The following NLRC3 variants were observed in gnomAD, a reference collection of about 807,000 sequenced individuals.
NLRC3 encodes the protein NLR family CARD domain containing 3.
In NLRC3, 87 loss-of-function variants were observed where a neutral mutation model predicts 91.6. That is an observed-to-expected ratio of 0.95 (90% CI 0.80 to 1.14). The LOEUF (loss-of-function observed/expected upper bound fraction) is 1.14. Ranked by LOEUF, NLRC3 falls within the 50% of genes most tolerant of loss-of-function variation. The probability of loss-of-function intolerance (pLI) is 0.00; values close to 1 mark genes in which losing one functional copy is unlikely to be tolerated. For missense variants in NLRC3, 1,577 were observed against 1,418.6 expected (o/e 1.11, Z -1.79); for synonymous variants, 694 against 625.3 (o/e 1.11, Z -1.64).
At chr16:3,543,685 GAC>G (rs1312725437) in intron 16 of NLRC3, 177 bp from the exon 17 acceptor site, 1 of 600,472 alleles carries the variant, frequency 1.7e-6, no homozygotes, top group East Asian at 2.8e-5. Context: ...TGTTGCCTAA[GAC>G]AGAGATCTGG....
chr16:3,551,104 C>A (rs141604155), intron 10 of NLRC3, among the ~76,000 whole-genome samples: 2 of 151,982 alleles, frequency 1.3e-5, no homozygotes, highest in East Asian at 3.9e-4. Context: ...TGTCCATCCA[C>A]TCATCCACCC....
intron 13 of NLRC3, 145 bp from the exon 14 acceptor site, chr16:3,548,898 T>C (rs1033775151): frequency 2.7e-5 from 18 of 671,304 alleles, no homozygotes; most frequent in Non-Finnish European, 3.9e-5. Context: ...CCCAATGGCA[T>C]GGTAACATCC....
At chr16:3,552,152 G>A in intron 10 of NLRC3, 44 bp downstream of exon 10, 1 of 1,172,714 alleles carries the variant, frequency 8.5e-7, no homozygotes, top group Non-Finnish European at 1.3e-6. Flanking sequence ...TGGGCATTGT[G>A]CTGGGCACTG....
At chr16:3,542,424 G>A in intron 18 of NLRC3, 150 bp from the exon 19 acceptor site, 2 of 669,208 alleles carry the variant, frequency 3.0e-6, no homozygotes, top group South Asian at 3.4e-5. Flanking sequence ...TGACCCTGGA[G>A]ACAGGTGTCT....
chr16:3,543,530 C>T, intron 16 of NLRC3, 22 bp from the exon 17 acceptor site: 1 of 1,585,820 alleles, frequency 6.3e-7, no homozygotes, highest in African/African-American at 1.3e-5. Flanking sequence ...AGGGTGCCGT[C>T]AGTGTGAGCC....
intron 10 of NLRC3, among the ~76,000 whole-genome samples, chr16:3,551,694 T>C (rs2039015915): frequency 6.7e-6 from 1 of 148,230 alleles, no homozygotes; most frequent in Admixed American, 6.7e-5. Flanking sequence ...CATTCACTCA[T>C]TCATCCACTC....
At chr16:3,557,070 C>T (rs1051837395) in intron 7 of NLRC3, 76 bp from the exon 8 acceptor site, 1 of 1,038,974 alleles carries the variant, frequency 9.6e-7, no homozygotes, top group East Asian at 2.5e-5. Context: ...CTGCATTGAC[C>T]TTGAAATTCG....
At chr16:3,544,381 A>G (rs2151080961) in intron 15 of NLRC3, 52 bp from the exon 16 acceptor site, 1 of 1,302,754 alleles carries the variant, frequency 7.7e-7, no homozygotes, top group Non-Finnish European at 1.1e-6. Flanking sequence ...GGAGCATTCT[A>G]GCAAGGCCCT....
chr16:3,551,822 T>C (rs960175291), intron 10 of NLRC3, among the ~76,000 whole-genome samples: 1 of 149,708 alleles, frequency 6.7e-6, no homozygotes, highest in African/African-American at 2.5e-5. Context: ...CACCCATCCA[T>C]CCATCCATCC....
intron 15 of NLRC3, among the ~76,000 whole-genome samples, chr16:3,546,563 A>G (rs1432151500): frequency 4.6e-5 from 7 of 152,152 alleles, no homozygotes; most frequent in Non-Finnish European, 8.8e-5. Context: ...TCTCAAAAAT[A>G]AAATAAAAGT....
intron 8 of NLRC3, among the ~76,000 whole-genome samples, chr16:3,555,223 C>A (rs2039241810): frequency 1.5e-5 from 2 of 137,260 alleles, no homozygotes; most frequent in South Asian, 4.9e-4. Context: ...GAGTCAGACT[C>A]CGTCTCAAAA....
intron 6 of NLRC3, among the ~76,000 whole-genome samples, chr16:3,560,545 G>A (rs774716688): frequency 6.6e-6 from 1 of 152,220 alleles, no homozygotes; most frequent in Non-Finnish European, 1.5e-5. Flanking sequence ...CCGAGTGTGT[G>A]TAGTTTCTCA....
rs774884295 is a variant in NLRC3 at position 3,564,577 on chromosome 16, C to A, written c.360G>T (p.Arg120Ser). ...EATRGGGHPA[R>S]TVALDRLFLP... ...GGAAGAGCCGGTCCAGGGCGACGGTCCTGGCGGGGTGCCCGCCCCCGCGGG... is the reference window on the plus strand; with the variant it reads ...GGAAGAGCCGGTCCAGGGCGACGGTACTGGCGGGGTGCCCGCCCCCGCGGG... Residue 120 changes from arginine (R) to serine (S), a missense_variant, in exon 5 of 20, where the codon AGG becomes AGT. Transcript: ENST00000359128. The surrounding 1 kb of genome is among the most constrained non-coding windows in gnomAD (Gnocchi z 5.9). The A allele has an allele frequency of 5.0e-6, 8 of 1,611,638 alleles. No homozygotes were observed. In the South Asian group the frequency reaches 8.8e-5, roughly 18 times the overall value.
Position 3,564,531 on chromosome 16 carries a change from C to T in NLRC3, c.406G>A (p.Val136Ile). The change falls in exon 5 of 20, where the codon GTC (valine) becomes ATC (isoleucine). Residue 136 changes from valine (V) to isoleucine (I), a missense_variant. Coordinates refer to ENST00000359128, the MANE Select transcript of NLRC3 (RefSeq NM_178844.4). The surrounding 1 kb of genome is among the most constrained non-coding windows in gnomAD (Gnocchi z 5.9). ...RLFLPLSRVS[V>I]PPRVSITIGV... ...ATAGTGATGGAGACCCGGGGTGGGACAGACACCCGGGAGAGAGGCAGGAAG... is the reference window on the plus strand; with the variant it reads ...ATAGTGATGGAGACCCGGGGTGGGATAGACACCCGGGAGAGAGGCAGGAAG... 1 of 1,612,086 alleles carries T rather than the reference C, an allele frequency of 6.2e-7. No homozygotes were observed. Among genetic ancestry groups the T allele is most frequent in the Non-Finnish European group, 8.5e-7 (1 of 1,179,610 alleles).
At chr16:3,543,344 A>T in intron 17 of NLRC3, 81 bp downstream of exon 17, 1 of 983,714 alleles carries the variant, frequency 1.0e-6, no homozygotes, top group South Asian at 1.4e-5. Flanking sequence ...GTTGTCTGTA[A>T]ACTTTGTCCC....
chr16:3,541,996 A>T, intron 19 of NLRC3, 81 bp from the exon 20 acceptor site: 1 of 882,722 alleles, frequency 1.1e-6, no homozygotes. Context: ...AAAATGCAGG[A>T]CCCCATGCAA....
chr16:3,561,610 G>A (rs940652704), intron 6 of NLRC3, 92 bp downstream of exon 6: 10 of 861,528 alleles, frequency 1.2e-5, no homozygotes, highest in Admixed American at 4.1e-5. Context: ...CCGTGGCAGC[G>A]CCGCTGGCCA....
Position 3,558,572 on chromosome 16 carries a change from TAAAA to T in NLRC3, c.2016-900_2016-897del, listed in dbSNP as rs560369723. Among the ~76,000 whole-genome samples the T allele has an allele frequency of 2.9e-5, 4 of 139,560 alleles. No individual in the cohort carries two copies. In the East Asian group the frequency reaches 8.6e-4, roughly 30 times the overall value. The allele number at this position is 139,560 out of a possible 152,430, so 91.6% of individuals were successfully genotyped here. On this transcript the variant is annotated intron_variant, in intron 6 of 19. Coordinates refer to ENST00000359128, the MANE Select transcript of NLRC3 (RefSeq NM_178844.4). ...AGTTATTTAAAATTAACTTTAAAAT[TAAAA>T]AAAAACCACACACACACACACACAC...
At position 3,564,662 on chromosome 16, in the gene NLRC3, A is replaced by T; in HGVS notation, c.275T>A (p.Leu92Gln). 2 of 1,605,028 alleles carry T rather than the reference A, an allele frequency of 1.2e-6. No homozygotes were observed. Among genetic ancestry groups the T allele is most frequent in the Non-Finnish European group, 1.7e-6 (2 of 1,179,474 alleles). The change falls in exon 5 of 20, where the codon CTG becomes CAG. Residue 92 changes from leucine (L) to glutamine (Q), a missense_variant. By Grantham distance (113) the Leu-to-Gln change is moderately radical (BLOSUM62 -2). Transcript: ENST00000359128. The surrounding 1 kb of genome is among the most constrained non-coding windows in gnomAD (Gnocchi z 5.9). ...GPWHRLASLL[L>Q]VEGLTDLQLR... ...CTGCAGGTCCGTCAGGCCCTCCACC[A>T]GCAGGAGGGAGGCCAGCCTGTGCCA...
Sources: gnomAD v4.1 joint callset for allele counts (sites outside exome capture counted in the v4.1 genomes callset) on GRCh38, gnomAD v4.1.1 for gene constraint, Gnocchi (gnomAD v3.1) non-coding constraint, MANE v1.5 for transcripts, NCBI Gene and HGNC (gene_info 2026-07-23, HGNC 2026-07-21) for gene names.